Variants in DAB1 observed in about 807,000 individuals in gnomAD.
The protein encoded by DAB1 is disabled homolog 1.
In DAB1, 15 loss-of-function variants were observed where a neutral mutation model predicts 64.6. The observed-to-expected ratio is 0.23, with a 90% CI of 0.16 to 0.36. The LOEUF is 0.36. DAB1 is among the 10% of genes least tolerant of loss of function. DAB1 has a pLI of 1.00. For synonymous variants in DAB1, 235 were observed against 251.9 expected (o/e 0.93, Z 0.64); for missense variants, 596 against 706.7 (o/e 0.84, Z 1.78).
At chr1:58,539,887 A>C (rs1347077928) in intron 1 of DAB1, among the ~76,000 whole-genome samples, 3 of 152,180 alleles carry the variant, frequency 2.0e-5, no homozygotes, top group Non-Finnish European at 2.9e-5. Flanking sequence ...AAGTAAACCA[A>C]GGTTGCTAGA....
At chr1:58,137,836 G>A (rs553213917) in intron 5 of DAB1, among the ~76,000 whole-genome samples, 2 of 152,282 alleles carry the variant, frequency 1.3e-5, no homozygotes, top group South Asian at 2.1e-4. Flanking sequence ...ATACAGGTGA[G>A]AGGAACGTTC....
intron 2 of DAB1, among the ~76,000 whole-genome samples, chr1:57,262,227 T>A (rs1431588077): frequency 6.6e-6 from 1 of 152,250 alleles, no homozygotes; most frequent in African/African-American, 2.4e-5. Context: ...TTAAGGAAGC[T>A]GATTAAATGA....
intron 5 of DAB1, among the ~76,000 whole-genome samples, chr1:57,889,683 G>A (rs759830849): frequency 6.6e-6 from 1 of 152,120 alleles, no homozygotes; most frequent in Non-Finnish European, 1.5e-5. Flanking sequence ...CCTCTGAGAA[G>A]AGCCCAAAGG....
chr1:57,932,610 G>T (rs1277764420), intron 5 of DAB1, among the ~76,000 whole-genome samples: 1 of 151,782 alleles, frequency 6.6e-6, no homozygotes, highest in East Asian at 1.9e-4. Context: ...TATGTAGTTT[G>T]ATATTCTATT....
At chr1:57,821,646 G>A (rs1017222327), downstream of DAB1, among the ~76,000 whole-genome samples, 1 of 152,188 alleles carries the variant, frequency 6.6e-6, no homozygotes, top group Admixed American at 6.5e-5. Flanking sequence ...AATATTTGAG[G>A]AAGCCTTTCC....
At chr1:57,499,834 T>C (rs1471232513) in intron 7 of DAB1, among the ~76,000 whole-genome samples, 2 of 152,198 alleles carry the variant, frequency 1.3e-5, no homozygotes, top group Non-Finnish European at 2.9e-5. Flanking sequence ...CTTACCTGGG[T>C]CAATTTTGTT....
chr1:57,395,246 G>C (rs374741336), intron 1 of DAB1, among the ~76,000 whole-genome samples: 63 of 152,004 alleles, frequency 4.1e-4, no homozygotes, highest in Admixed American at 4.1e-3. Context: ...GGCTAGTCTC[G>C]AACTCCTAGC....
At chr1:57,771,431 AT>A (rs1224229464) in intron 6 of DAB1, among the ~76,000 whole-genome samples, 1 of 152,118 alleles carries the variant, frequency 6.6e-6, no homozygotes, top group Non-Finnish European at 1.5e-5. Flanking sequence ...CTGATTGGCT[AT>A]TTGTAGTAGA....
chr1:57,567,057 A>G (rs1205502586), intron 7 of DAB1, among the ~76,000 whole-genome samples: 1 of 152,232 alleles, frequency 6.6e-6, no homozygotes, highest in Non-Finnish European at 1.5e-5. Context: ...ATCCAGCAAC[A>G]CATCAAAAAG....
chr1:57,798,463 C>T (rs1053869824), intron 6 of DAB1, among the ~76,000 whole-genome samples: 9 of 152,184 alleles, frequency 5.9e-5, no homozygotes, highest in Admixed American at 3.9e-4. Context: ...TCTCAGAAGT[C>T]TCAAGGTCCA....
Position 57,291,032 on chromosome 1 carries a change from C to T in DAB1, c.-2G>A. On this transcript the variant is annotated 5_prime_UTR_variant, in exon 2 of 15. Transcript: ENST00000371236. ...TTGAAGTTCTGTCTCAGTTGACATC[C>T]TACTTAATCCTTAGTCCACTTCACA... 6.2e-7 allele frequency: 1 copy of T among 1,609,416 alleles called. No homozygotes were observed. The highest frequency in any genetic ancestry group is 8.5e-7 in the Non-Finnish European group (1 of 1,177,328).
chr1:57,929,575 T>C (rs1015943700), intron 5 of DAB1, among the ~76,000 whole-genome samples: 1 of 152,214 alleles, frequency 6.6e-6, no homozygotes, highest in Non-Finnish European at 1.5e-5. Context: ...TGGTCTGTTT[T>C]ATGTTGCTAT....
chr1:57,524,516 A>T (rs1047152626), intron 7 of DAB1, among the ~76,000 whole-genome samples: 6 of 152,180 alleles, frequency 3.9e-5, no homozygotes, highest in African/African-American at 1.2e-4. Flanking sequence ...GTGGTGGATT[A>T]TCATTAGTTC....
downstream of DAB1, among the ~76,000 whole-genome samples, chr1:57,824,416 G>A (rs141260519): frequency 2.0e-5 from 3 of 152,060 alleles, no homozygotes; most frequent in Admixed American, 2.0e-4. Flanking sequence ...TTTGAAATTT[G>A]ACTAATTCTT....
chr1:57,060,157 T>A (rs916062964), intron 9 of DAB1, among the ~76,000 whole-genome samples: 7 of 150,292 alleles, frequency 4.7e-5, no homozygotes, highest in African/African-American at 1.7e-4. Context: ...TTTATTTTAT[T>A]TTATTTTATT....
Position 58,039,588 on chromosome 1 carries a change from C to G in DAB1, n.387+110923G>C, listed in dbSNP as rs541031761. Among the ~76,000 whole-genome samples the G allele has an allele frequency of 7.0e-4, 106 of 152,154 alleles. 1 individual carries two copies. Among genetic ancestry groups the G allele is most frequent in the South Asian group, 4.2e-3 (20 of 4,818 alleles). ...GAAAATACTTGACCCCCGCTCAGAG[C>G]CTTCTGTTCCATCCCCCGTCCCCCA... On this transcript the variant is annotated intron_variant and non_coding_transcript_variant, in intron 5 of 20. Transcript: ENST00000485760.
intron 6 of DAB1, among the ~76,000 whole-genome samples, chr1:57,781,368 A>G (rs1191081957): frequency 6.6e-6 from 1 of 151,796 alleles, no homozygotes; most frequent in Non-Finnish European, 1.5e-5. Flanking sequence ...ATAAGATATG[A>G]TGAAAGAAAG....
At chr1:57,540,833 G>A (rs1265564344) in intron 7 of DAB1, among the ~76,000 whole-genome samples, 1 of 152,164 alleles carries the variant, frequency 6.6e-6, no homozygotes, top group Non-Finnish European at 1.5e-5. Context: ...GTAGTGGGTA[G>A]GGGGAATGAA....
At chr1:57,793,577 C>T (rs1198950581) in intron 6 of DAB1, among the ~76,000 whole-genome samples, 1 of 152,086 alleles carries the variant, frequency 6.6e-6, no homozygotes, top group Admixed American at 6.5e-5. Flanking sequence ...CTGACCAATG[C>T]TGGTCAGTGT....
Sources: allele counts gnomAD v4.1 joint callset (sites outside exome capture counted in the v4.1 genomes callset), GRCh38; gene constraint gnomAD v4.1.1; transcripts MANE v1.5; gene names NCBI Gene and HGNC (gene_info 2026-07-23, HGNC 2026-07-21).